The following WDR76 variants were observed in gnomAD, a reference collection of about 807,000 sequenced individuals.
WDR76 encodes the protein WD repeat-containing protein 76.
Under a neutral mutation model 70.2 loss-of-function variants are expected in WDR76, and 52 were observed. That is an observed-to-expected ratio of 0.74 (90% confidence interval 0.59 to 0.93). The LOEUF is 0.93. Ranked by LOEUF, WDR76 falls within the 40% of genes least tolerant of loss-of-function variation. The pLI is 0.00. For missense variants in WDR76, 756 were observed against 760.2 expected, an observed-to-expected ratio of 0.99 and a Z score of 0.07; for synonymous variants, 292 against 271.1, an observed-to-expected ratio of 1.08 and a Z score of -0.76.
In WDR76 at chr15:43,851,642, A is replaced by T. The variant is rs144933939; in HGVS notation, c.1191+397A>T. Among the ~76,000 whole-genome samples the T allele has an allele frequency of 6.8e-3, 1,030 of 152,190 alleles. 16 individuals are homozygous for T. The highest frequency in any genetic ancestry group is 0.023 in the African/African-American group (975 of 41,514). On this transcript the variant is annotated intron_variant, in intron 9 of 12. Transcript: ENST00000263795. ...TTACTCTTCTGTTTTTAGGCATAAG[A>T]CTTGTATTTAGCTGGGTGTGGTGGC... is the stretch of plus-strand genomic sequence containing the variant.
chr15:43,828,560 C>T (rs1029271982), intron 2 of WDR76, among the ~76,000 whole-genome samples, 194 bp downstream of exon 2: 2 of 152,066 alleles, frequency 1.3e-5, no homozygotes, highest in African/African-American at 4.8e-5. Flanking sequence ...TTTGCTCTTG[C>T]TGTTGATGTG....
intron 9 of WDR76, among the ~76,000 whole-genome samples, chr15:43,854,794 C>CA (rs2087908793): frequency 6.6e-6 from 1 of 151,514 alleles, no homozygotes; most frequent in African/African-American, 2.4e-5. Flanking sequence ...ACTAAAAACA[C>CA]AAAAAATTAG....
At chr15:43,833,423 A>T (rs531579932) in intron 2 of WDR76, among the ~76,000 whole-genome samples, 1 of 145,904 alleles carries the variant, frequency 6.9e-6, no homozygotes, top group Non-Finnish European at 1.5e-5. Flanking sequence ...GGTTCATGCC[A>T]TTCTCCTGCC....
At position 43,851,209 on chromosome 15, in the gene WDR76, A is replaced by G. The variant is rs2087855604; in HGVS notation, c.1155A>G (p.Leu385=). Residue 385 remains leucine, a synonymous_variant, in exon 9 of 13, where the codon TTA becomes TTG. Coordinates refer to ENST00000263795, the MANE Select transcript of WDR76 (RefSeq NM_024908.4). ...HILSLSYDGT[L]RCGDFSRAIF... is the part of the protein sequence containing the mutation. Reference sequence around the variant, plus strand: ...TGTCACTGAGCTATGATGGCACGTTACGCTGTGGGGATTTTTCCAGGGCTA... The same window carrying G: ...TGTCACTGAGCTATGATGGCACGTTGCGCTGTGGGGATTTTTCCAGGGCTA... 1 of 1,614,158 alleles carries G rather than the reference A, an allele frequency of 6.2e-7. No homozygotes were observed.
intron 9 of WDR76, among the ~76,000 whole-genome samples, chr15:43,855,405 C>T (rs372458513): frequency 2.0e-5 from 3 of 152,170 alleles, no homozygotes; most frequent in African/African-American, 4.8e-5. Context: ...GACTCCAAAG[C>T]CCCTGCTCTT....
intron 8 of WDR76, among the ~76,000 whole-genome samples, chr15:43,846,200 A>C (rs2087786241): frequency 6.7e-6 from 1 of 149,366 alleles, no homozygotes; most frequent in Non-Finnish European, 1.5e-5. Context: ...TTTGACAATG[A>C]GGTAAGTAAG....
Position 43,867,428 on chromosome 15 carries a change from G to GA in WDR76, c.*1043dup, listed in dbSNP as rs2088087806. On this transcript the variant is annotated 3_prime_UTR_variant, in exon 13 of 13. Coordinates refer to ENST00000263795, the MANE Select transcript of WDR76 (RefSeq NM_024908.4). Reference sequence around the variant, plus strand: ...AAGTTAGATGACAATGACTGGTGTTGAAAAAAATGAAAAGGAAAGAATTTG... The same window carrying GA: ...AAGTTAGATGACAATGACTGGTGTTGAAAAAAAATGAAAAGGAAAGAATTTG... 2 of 151,864 alleles carry GA rather than the reference G, an allele frequency of 1.3e-5. No individual in the cohort carries two copies. The highest frequency in any genetic ancestry group is 2.1e-4 in the South Asian group (1 of 4,814). 9.4% of individuals were successfully genotyped at this position (151,864 alleles called of 1,614,324 possible). A position where few individuals can be genotyped will look rare whatever the true frequency, so the allele number is the denominator to read the frequency against.
chr15:43,835,043 T>C lies in WDR76; in HGVS notation c.463-18T>C, dbSNP rs1170495612. ...AGATTATATAAAGTAATGGAATCTT[T>C]TTGGTGTAATTTTATAGGATTTTTC... is the stretch of plus-strand genomic sequence containing the variant. On this transcript the variant is annotated intron_variant, in intron 2 of 12. Coordinates refer to ENST00000263795, the MANE Select transcript of WDR76 (RefSeq NM_024908.4). 6 of 1,605,258 alleles carry C rather than the reference T, an allele frequency of 3.7e-6. No individual in the cohort carries two copies. The highest frequency in any genetic ancestry group is 2.2e-5 in the South Asian group (2 of 90,880).
chr15:43,841,426 C>T (rs775835123), intron 5 of WDR76, among the ~76,000 whole-genome samples: 3 of 151,884 alleles, frequency 2.0e-5, no homozygotes, highest in African/African-American at 7.3e-5. Context: ...CTCAATCTGA[C>T]CTCATGATCT....
rs915362790 is a variant in WDR76, at chr15:43,839,586, T to C, written c.609-19T>C. The stretch of plus-strand genomic sequence containing the variant: ...TATTGTTTTGTGAGTATAACATGAG[T>C]TTTTCCCCACTCCTTTAGAAAGAAG... On this transcript the variant is annotated intron_variant, in intron 4 of 12. Transcript: ENST00000263795. 6.3e-7 allele frequency: 1 copy of C among 1,594,740 alleles called. No homozygotes were observed.
At chr15:43,860,910 CTTTTTTTTT>C (rs34504509) in intron 11 of WDR76, among the ~76,000 whole-genome samples, 1 of 79,016 alleles carries the variant, frequency 1.3e-5, no homozygotes, top group African/African-American at 5.7e-5. Flanking sequence ...TGATCTTACT[CTTTTTTTTT>C]TTTTTTTTTT....
chr15:43,863,338 T>C (rs1459020223), intron 12 of WDR76, among the ~76,000 whole-genome samples: 2 of 152,164 alleles, frequency 1.3e-5, no homozygotes. Flanking sequence ...AATTAACATA[T>C]GTATTACCTC....
chr15:43,842,878 G>C (rs570632013), intron 7 of WDR76, among the ~76,000 whole-genome samples: 1 of 152,086 alleles, frequency 6.6e-6, no homozygotes, highest in East Asian at 1.9e-4. Context: ...ATATAAGCAA[G>C]AATTCTATTT....
intron 9 of WDR76, among the ~76,000 whole-genome samples, chr15:43,855,797 C>T (rs540465852): frequency 1.9e-4 from 29 of 150,880 alleles, no homozygotes; most frequent in East Asian, 1.8e-3. Flanking sequence ...TGCATTGAGC[C>T]GAGATCGTGC....
intron 2 of WDR76, among the ~76,000 whole-genome samples, chr15:43,833,623 C>CT (rs796378317): frequency 0.013 from 1,761 of 137,796 alleles, 34 homozygotes; most frequent in African/African-American, 0.042. Context: ...CCAGCCCTTT[C>CT]TTTTTTTTTT....
chr15:43,836,138 T>C (rs754112799), intron 3 of WDR76, 23 bp from the exon 4 acceptor site: 3 of 1,595,820 alleles, frequency 1.9e-6, no homozygotes, highest in South Asian at 2.3e-5. Flanking sequence ...ATAACATTTT[T>C]ACATGATTTT....
At chr15:43,854,950 CAAA>C (rs535509405) in intron 9 of WDR76, among the ~76,000 whole-genome samples, 9 of 97,144 alleles carry the variant, frequency 9.3e-5, no homozygotes, top group African/African-American at 8.0e-5. Context: ...GACTCCATCT[CAAA>C]AAAAAAAAAA....
intron 9 of WDR76, among the ~76,000 whole-genome samples, chr15:43,852,056 G>C (rs1285313899): frequency 2.0e-5 from 3 of 152,208 alleles, no homozygotes; most frequent in Admixed American, 2.0e-4. Context: ...GACAGAGTGA[G>C]ACCCTCTCTC....
chr15:43,827,876 G>A (rs2087536292), intron 1 of WDR76, 89 bp from the exon 2 acceptor site: 18 of 1,325,756 alleles, frequency 1.4e-5, no homozygotes, highest in Non-Finnish European at 1.8e-5. Flanking sequence ...TTTGGGAAAT[G>A]GGAATTATTA....
Sources: allele counts gnomAD v4.1 joint callset (sites outside exome capture counted in the v4.1 genomes callset), GRCh38; gene constraint gnomAD v4.1.1; transcripts MANE v1.5; gene names NCBI Gene and HGNC (gene_info 2026-07-23, HGNC 2026-07-21).